The following RAD51B variants were observed in gnomAD, a reference collection of about 807,000 sequenced individuals.
RAD51B encodes DNA repair protein RAD51 homolog 2.
In RAD51B, 38 loss-of-function variants were observed where a neutral mutation model predicts 42.2. The observed-to-expected ratio is 0.90, with a 90% CI of 0.70 to 1.18. RAD51B has a LOEUF of 1.18. RAD51B is among the 50% of genes most tolerant of loss of function. RAD51B has a pLI of 0.00. For synonymous variants in RAD51B, 154 were observed against 145.2 expected (o/e 1.06, Z -0.43); for missense variants, 373 against 400.7 (o/e 0.93, Z 0.59).
intron 9 of RAD51B, among the ~76,000 whole-genome samples, chr14:68,447,919 T>G (rs1451064205): frequency 6.6e-6 from 1 of 152,222 alleles, no homozygotes; most frequent in Non-Finnish European, 1.5e-5. Flanking sequence ...ATTTTGGAAA[T>G]GTGGTCATTT....
intron 8 of RAD51B, among the ~76,000 whole-genome samples, chr14:68,349,165 A>G (rs376310125): frequency 6.6e-6 from 1 of 152,104 alleles, no homozygotes; most frequent in African/African-American, 2.4e-5. Flanking sequence ...TTAAAACTGT[A>G]ATAACTATTC....
At chr14:68,518,730 A>C (rs1440231624) in intron 10 of RAD51B, among the ~76,000 whole-genome samples, 1 of 152,202 alleles carries the variant, frequency 6.6e-6, no homozygotes, top group Non-Finnish European at 1.5e-5. Context: ...TGGGTTGAAC[A>C]AGGTTAGCAG....
At chr14:67,873,606 A>G (rs563685938) in intron 5 of RAD51B, among the ~76,000 whole-genome samples, 1 of 152,140 alleles carries the variant, frequency 6.6e-6, no homozygotes, top group East Asian at 1.9e-4. Context: ...CCAAGGGACT[A>G]TAAATCATGC....
At chr14:68,571,619 C>T (rs1181466694) in intron 10 of RAD51B, among the ~76,000 whole-genome samples, 1 of 152,158 alleles carries the variant, frequency 6.6e-6, no homozygotes, top group African/African-American at 2.4e-5. Flanking sequence ...GACAATGTGC[C>T]TGTTTTAAGG....
intron 7 of RAD51B, among the ~76,000 whole-genome samples, chr14:67,998,474 A>G (rs1415602308): frequency 1.3e-5 from 2 of 152,216 alleles, no homozygotes; most frequent in Non-Finnish European, 2.9e-5. Flanking sequence ...GAGAATTACT[A>G]CATTTTGTAA....
intron 7 of RAD51B, among the ~76,000 whole-genome samples, chr14:68,258,800 T>G (rs2080814814): frequency 6.6e-6 from 1 of 152,200 alleles, no homozygotes; most frequent in Non-Finnish European, 1.5e-5. Flanking sequence ...TGGTATTAAC[T>G]TAGACTTTTG....
chr14:67,964,113 A>G (rs1339073925), intron 7 of RAD51B, among the ~76,000 whole-genome samples: 2 of 152,106 alleles, frequency 1.3e-5, no homozygotes, highest in Non-Finnish European at 2.9e-5. Context: ...AATGATGGGC[A>G]AACAAGATGA....
At chr14:68,115,832 A>G (rs897982595) in intron 7 of RAD51B, among the ~76,000 whole-genome samples, 5 of 152,216 alleles carry the variant, frequency 3.3e-5, no homozygotes, top group African/African-American at 9.6e-5. Context: ...AGCTCTGTGC[A>G]TCACAGAGTG....
intron 3 of RAD51B, among the ~76,000 whole-genome samples, chr14:67,830,043 A>G (rs1242553399): frequency 6.6e-6 from 1 of 152,158 alleles, no homozygotes; most frequent in Non-Finnish European, 1.5e-5. Flanking sequence ...GGCGTTGGGT[A>G]TAACAGATGC....
intron 9 of RAD51B, among the ~76,000 whole-genome samples, chr14:68,434,891 C>T (rs1218805045): frequency 6.6e-6 from 1 of 152,162 alleles, no homozygotes; most frequent in Non-Finnish European, 1.5e-5. Context: ...GGAACCGCCC[C>T]ACCACATTTT....
In RAD51B at chr14:67,895,796, T is replaced by C. The variant is rs549942930; in HGVS notation, c.756+8592T>C. Among the ~76,000 whole-genome samples, 3 of 152,300 alleles carry C rather than the reference T, an allele frequency of 2.0e-5. No homozygotes were observed. The East Asian group carries it at 5.8e-4, about 29-fold the overall frequency. On this transcript the variant is annotated intron_variant, in intron 7 of 10. Transcript: ENST00000471583. The stretch of plus-strand genomic sequence containing the variant: ...GTTGTCATTTCTCTTCTGTGCAGGC[T>C]GCTGGTATACTACCCCGAGACCTCT...
At chr14:67,988,627 T>A (rs1269359633) in intron 7 of RAD51B, among the ~76,000 whole-genome samples, 1 of 152,198 alleles carries the variant, frequency 6.6e-6, no homozygotes, top group African/African-American at 2.4e-5. Context: ...GTTAATTTTT[T>A]AAAAATAGGA....
intron 9 of RAD51B, among the ~76,000 whole-genome samples, chr14:68,454,718 G>A (rs1047811135): frequency 6.6e-6 from 1 of 152,206 alleles, no homozygotes; most frequent in African/African-American, 2.4e-5. Context: ...AACTTGGCCT[G>A]TGTGAACAGC....
intron 7 of RAD51B, among the ~76,000 whole-genome samples, chr14:68,110,681 CACTTAGA>C (rs760403588): frequency 6.6e-6 from 1 of 151,966 alleles, no homozygotes; most frequent in Non-Finnish European, 1.5e-5. Context: ...ACATGTGAAG[CACTTAGA>C]ACTTAGAATG....
intron 7 of RAD51B, among the ~76,000 whole-genome samples, chr14:68,021,587 G>C (rs780601207): frequency 1.3e-5 from 2 of 152,016 alleles, no homozygotes; most frequent in African/African-American, 2.4e-5. Context: ...TTTCTTTTCT[G>C]TGCTGTTATT....
chr14:68,574,243 G>A (rs1217256382), intron 10 of RAD51B, among the ~76,000 whole-genome samples: 1 of 152,108 alleles, frequency 6.6e-6, no homozygotes, highest in Non-Finnish European at 1.5e-5. Context: ...TCAGTAGCTG[G>A]AACTACTACT....
chr14:68,259,885 G>T, intron 7 of RAD51B, among the ~76,000 whole-genome samples: 1 of 152,064 alleles, frequency 6.6e-6, no homozygotes, highest in East Asian at 1.9e-4. Flanking sequence ...TATATTTATT[G>T]GGCATCTACT....
intron 7 of RAD51B, among the ~76,000 whole-genome samples, chr14:67,917,508 C>T (rs1024066825): frequency 6.6e-6 from 1 of 152,190 alleles, no homozygotes; most frequent in African/African-American, 2.4e-5. Flanking sequence ...AAGCACCTTC[C>T]ATTAGGCCCC....
intron 10 of RAD51B, among the ~76,000 whole-genome samples, chr14:68,557,337 G>A (rs1318379675): frequency 6.6e-6 from 1 of 152,064 alleles, no homozygotes; most frequent in Non-Finnish European, 1.5e-5. Flanking sequence ...ACCTACAATG[G>A]GCAAAATCAT....
Sources: allele counts gnomAD v4.1 joint callset (sites outside exome capture counted in the v4.1 genomes callset), GRCh38; gene constraint gnomAD v4.1.1; transcripts MANE v1.5; gene names NCBI Gene and HGNC (gene_info 2026-07-23, HGNC 2026-07-21).